Variants in EPHA5 observed in about 807,000 individuals in gnomAD.
EPHA5 encodes EPH receptor A5.
Under a neutral mutation model 105.0 loss-of-function variants are expected in EPHA5, and 60 were observed. That is an observed-to-expected ratio of 0.57 (90% CI 0.46 to 0.71). EPHA5 has a LOEUF of 0.71. EPHA5 is among the 30% of genes least tolerant of loss of function. EPHA5 has a pLI of 0.00. For missense variants in EPHA5, 1,218 were observed against 1,274.7 expected (o/e 0.96, Z 0.68); for synonymous variants, 513 against 449.1 (o/e 1.14, Z -1.80).
chr4:65,473,585 C>T lies in EPHA5; in HGVS notation c.1402+16792G>A, dbSNP rs146136620. ...AACCATTGGATCTCATGAGAACTCA[C>T]TCAATATCACAAGAACAACATGGGG... On this transcript the variant is annotated intron_variant, in intron 5 of 16. Coordinates refer to ENST00000613740, the MANE Select transcript of EPHA5 (RefSeq NM_001281766.3). 1.2e-4 allele frequency among the ~76,000 whole-genome samples: 18 copies of T among 152,278 alleles called. No individual in the cohort carries two copies. In the East Asian group the frequency reaches 3.3e-3, roughly 28 times the overall value.
intron 3 of EPHA5, among the ~76,000 whole-genome samples, chr4:65,526,263 G>A (rs888878393): frequency 6.6e-6 from 1 of 151,760 alleles, no homozygotes; most frequent in Admixed American, 6.6e-5. Context: ...GACATAACGT[G>A]ACTATGCCAA....
chr4:65,523,533 C>T (rs892363200), intron 3 of EPHA5, among the ~76,000 whole-genome samples: 1 of 151,986 alleles, frequency 6.6e-6, no homozygotes, highest in African/African-American at 2.4e-5. Context: ...TGTTGCTTTG[C>T]CACTTGATGA....
chr4:65,573,945 G>T (rs1740517178), intron 3 of EPHA5: 53 of 1,596,790 alleles, frequency 3.3e-5, no homozygotes, highest in Non-Finnish European at 4.3e-5. Flanking sequence ...GGGCAAGAGG[G>T]TGGTTTTCCT....
intron 5 of EPHA5, among the ~76,000 whole-genome samples, chr4:65,474,789 A>T (rs921405370): frequency 4.6e-5 from 7 of 152,214 alleles, no homozygotes; most frequent in African/African-American, 1.2e-4. Flanking sequence ...AAATGCTCCC[A>T]AAAGTCAATC....
chr4:65,563,437 C>G (rs1739223397), intron 3 of EPHA5, among the ~76,000 whole-genome samples: 2 of 152,012 alleles, frequency 1.3e-5, no homozygotes, highest in Admixed American at 1.3e-4. Context: ...CTGATTCTAA[C>G]ATAATTATAT....
intron 3 of EPHA5, among the ~76,000 whole-genome samples, chr4:65,581,906 T>C (rs1238814725): frequency 6.6e-6 from 1 of 151,798 alleles, no homozygotes; most frequent in African/African-American, 2.4e-5. Context: ...GGTAAAGTAA[T>C]TTACTTTAAC....
At chr4:65,643,725 G>A (rs777417146) in intron 1 of EPHA5, among the ~76,000 whole-genome samples, 4 of 151,178 alleles carry the variant, frequency 2.6e-5, no homozygotes, top group Admixed American at 1.3e-4. Context: ...GAAAAAAAAA[G>A]ACAAAAAGTA....
chr4:65,372,555 A>G (rs1238841551), intron 8 of EPHA5, among the ~76,000 whole-genome samples: 2 of 151,900 alleles, frequency 1.3e-5, no homozygotes, highest in Admixed American at 1.3e-4. Flanking sequence ...AGGGCAACTA[A>G]TCTATTTTTA....
intron 5 of EPHA5, among the ~76,000 whole-genome samples, chr4:65,432,388 A>G (rs1331131714): frequency 1.3e-5 from 2 of 152,200 alleles, no homozygotes; most frequent in Non-Finnish European, 2.9e-5. Context: ...AAAATTGCTT[A>G]AAAATACTGG....
intron 8 of EPHA5, among the ~76,000 whole-genome samples, chr4:65,390,264 T>A (rs11931516): frequency 0.14 from 21,560 of 151,756 alleles, 1,884 homozygotes; most frequent in East Asian, 0.23. Flanking sequence ...GAGGCAATAT[T>A]CCCCTGCCTT....
chr4:65,554,603 T>A (rs1431112325), intron 3 of EPHA5, among the ~76,000 whole-genome samples: 2 of 151,784 alleles, frequency 1.3e-5, no homozygotes, highest in East Asian at 1.9e-4. Context: ...TCTATTCTTA[T>A]AACTTTTTCT....
intron 5 of EPHA5, among the ~76,000 whole-genome samples, chr4:65,427,140 TTATATG>T (rs906817515): frequency 2.0e-5 from 3 of 151,696 alleles, no homozygotes; most frequent in Non-Finnish European, 4.4e-5. Flanking sequence ...AGAGAGACAA[TTATATG>T]TATAAGTATG....
intron 3 of EPHA5, among the ~76,000 whole-genome samples, chr4:65,531,913 A>C (rs1274372122): frequency 1.3e-5 from 2 of 152,222 alleles, no homozygotes; most frequent in Non-Finnish European, 2.9e-5. Context: ...TAATGAATAC[A>C]TAAGCCTATC....
intron 5 of EPHA5, among the ~76,000 whole-genome samples, chr4:65,459,074 A>G (rs1727880369): frequency 6.6e-6 from 1 of 152,092 alleles, no homozygotes; most frequent in Non-Finnish European, 1.5e-5. Flanking sequence ...CAAGAAATGC[A>G]TAAGCAGAAA....
At chr4:65,346,643 C>G in intron 14 of EPHA5, among the ~76,000 whole-genome samples, 1 of 151,998 alleles carries the variant, frequency 6.6e-6, no homozygotes, top group Admixed American at 6.6e-5. Flanking sequence ...TCTAATTAAA[C>G]TAAAGAACTT....
intron 5 of EPHA5, among the ~76,000 whole-genome samples, chr4:65,476,807 G>C (rs1351728672): frequency 6.6e-6 from 1 of 152,016 alleles, no homozygotes; most frequent in Non-Finnish European, 1.5e-5. Flanking sequence ...AAGCTATAAT[G>C]CCTTATTTCA....
intron 3 of EPHA5, among the ~76,000 whole-genome samples, chr4:65,503,178 T>C (rs1166125662): frequency 6.6e-6 from 1 of 151,788 alleles, no homozygotes; most frequent in Non-Finnish European, 1.5e-5. Context: ...CTATGTTCAC[T>C]ACCTGAGTGA....
At chr4:65,442,115 A>T (rs1726072693) in intron 5 of EPHA5, among the ~76,000 whole-genome samples, 1 of 152,072 alleles carries the variant, frequency 6.6e-6, no homozygotes, top group South Asian at 2.1e-4. Flanking sequence ...TGACCTGAAT[A>T]TTTGTGCCAC....
intron 3 of EPHA5, among the ~76,000 whole-genome samples, chr4:65,559,229 AT>A (rs1738768242): frequency 6.6e-6 from 1 of 152,186 alleles, no homozygotes. Flanking sequence ...TTGTTCAACA[AT>A]AATTTTTCAA....
Sources: allele counts gnomAD v4.1 joint callset (sites outside exome capture counted in the v4.1 genomes callset), GRCh38; gene constraint gnomAD v4.1.1; transcripts MANE v1.5; gene names NCBI Gene and HGNC (gene_info 2026-07-23, HGNC 2026-07-21).